The following ONECUT1 variants were observed in gnomAD, a reference collection of about 807,000 sequenced individuals.
ONECUT1 encodes the protein hepatocyte nuclear factor 6.
A neutral mutation model predicts 25.6 loss-of-function variants in ONECUT1; 12 were observed. That is an observed-to-expected ratio of 0.47 (90% confidence interval 0.30 to 0.76). The LOEUF is 0.76. Among genes scored for constraint, ONECUT1 ranks in the 30% least tolerant of loss-of-function variants. The probability of loss-of-function intolerance (pLI) is 0.07; values close to 1 mark genes in which losing one functional copy is unlikely to be tolerated. For missense variants in ONECUT1, 620 were observed against 651.2 expected (o/e 0.95, Z 0.52); for synonymous variants, 285 against 270.2 (o/e 1.05, Z -0.54).
chr15:52,767,784 A>C (rs1489766790), intron 1 of ONECUT1, among the ~76,000 whole-genome samples: 1 of 152,246 alleles, frequency 6.6e-6, no homozygotes, highest in Non-Finnish European at 1.5e-5. Flanking sequence ...ATGTGGCATC[A>C]ATCTAAGTGT....
intron 1 of ONECUT1, among the ~76,000 whole-genome samples, chr15:52,786,742 G>T (rs965589557): frequency 4.0e-5 from 6 of 151,682 alleles, no homozygotes; most frequent in Middle Eastern, 3.4e-3. Context: ...CTCAGAGGTC[G>T]TCTCTGAACA....
At chr15:52,783,809 G>T (rs2083856457) in intron 1 of ONECUT1, among the ~76,000 whole-genome samples, 1 of 152,216 alleles carries the variant, frequency 6.6e-6, no homozygotes, top group East Asian at 1.9e-4. Flanking sequence ...ATCCAAGTAC[G>T]CATCTTTTTT....
In ONECUT1 at chr15:52,756,836, C is replaced by G. The variant is rs1236059808; in HGVS notation, c.*719G>C. Among the ~76,000 whole-genome samples the G allele has an allele frequency of 3.9e-5, 6 of 151,994 alleles. No individual in the cohort carries two copies. The highest frequency in any genetic ancestry group is 8.8e-5 in the Non-Finnish European group (6 of 68,006). On this transcript the variant is annotated 3_prime_UTR_variant, in exon 2 of 2. Coordinates refer to ENST00000305901, the MANE Select transcript of ONECUT1 (RefSeq NM_004498.4). ...TATTAAAATCATTGCAATAAAATACCTGCACTATAATATTAAGTGTGTTCT... is the reference window on the plus strand; with the variant it reads ...TATTAAAATCATTGCAATAAAATACGTGCACTATAATATTAAGTGTGTTCT...
At chr15:52,770,873 A>G (rs1335083417) in intron 1 of ONECUT1, among the ~76,000 whole-genome samples, 2 of 152,180 alleles carry the variant, frequency 1.3e-5, no homozygotes, top group Admixed American at 1.3e-4. Context: ...AGAGAGAGAG[A>G]GAGAGAACAT....
intron 1 of ONECUT1, among the ~76,000 whole-genome samples, chr15:52,775,994 C>T (rs990323148): frequency 4.6e-5 from 7 of 152,218 alleles, no homozygotes; most frequent in Non-Finnish European, 1.0e-4. Context: ...TAACCCCTTC[C>T]ACTGGTTCTT....
chr15:52,773,434 C>A (rs780414052), intron 1 of ONECUT1, among the ~76,000 whole-genome samples: 1 of 152,056 alleles, frequency 6.6e-6, no homozygotes, highest in African/African-American at 2.4e-5. Context: ...CATGTTTATG[C>A]GTACATGGAT....
In ONECUT1 at chr15:52,784,578, G is replaced by C. The variant is rs1351368608; in HGVS notation, c.1105+4202C>G. ...ACGAGCCCACTTCTTATCCCCAAGC[G>C]CACCTCCCTCTCCTCACCCGGGTTT... On this transcript the variant is annotated intron_variant, in intron 1 of 1. Transcript: ENST00000305901. This position sits in a 1 kb window ranked among gnomAD's most constrained non-coding sequence, Gnocchi z 5.0. Among the ~76,000 whole-genome samples, 1 of 152,102 alleles carries C rather than the reference G, an allele frequency of 6.6e-6. No individual in the cohort carries two copies. Among genetic ancestry groups the C allele is most frequent in the Admixed American group, 6.5e-5 (1 of 15,276 alleles).
chr15:52,767,070 C>G (rs1264305201), intron 1 of ONECUT1, among the ~76,000 whole-genome samples: 1 of 152,094 alleles, frequency 6.6e-6, no homozygotes, highest in Non-Finnish European at 1.5e-5. Flanking sequence ...GAGGGAGACA[C>G]TGTTATTCTC....
intron 1 of ONECUT1, among the ~76,000 whole-genome samples, chr15:52,760,796 G>T (rs757079393): frequency 9.9e-5 from 15 of 152,104 alleles, no homozygotes; most frequent in Non-Finnish European, 1.9e-4. Context: ...ATGAGTAAGG[G>T]TGTAGTGTGA....
rs1398307468 is a variant in ONECUT1, at chr15:52,790,222, CCT to C, written c.-340_-339del. 2.0e-5 allele frequency among the ~76,000 whole-genome samples: 3 copies of C among 151,502 alleles called. No homozygotes were observed. The highest frequency in any genetic ancestry group is 7.3e-5 in the African/African-American group (3 of 41,344). ...CCGCCCGCCTCGGCCACCTCTCGCC[CCT>C]CTCTTTCTTAAAATTCTGAGGTCTC... is the stretch of plus-strand genomic sequence containing the variant. On this transcript the variant is annotated 5_prime_UTR_variant, in exon 1 of 2. Coordinates refer to ENST00000305901, the MANE Select transcript of ONECUT1 (RefSeq NM_004498.4).
Position 52,790,068 on chromosome 15 carries a change from T to TGTGC in ONECUT1, c.-185_-184insGCAC, listed in dbSNP as rs2083910689. The TGTGC allele has an allele frequency of 1.8e-5, 3 of 167,644 alleles. No individual in the cohort carries two copies. The allele number at this position is 167,644 out of a possible 1,614,324, so 10.4% of individuals were successfully genotyped here. ...GTGTGTGTCCGTGTGTGCGTGTGCG[T>TGTGC]GTGTGTGTGTGTGTGTGTCTCGCCT... On this transcript the variant is annotated 5_prime_UTR_variant, in exon 1 of 2. Transcript: ENST00000305901.
chr15:52,761,304 A>T (rs2083704684), intron 1 of ONECUT1, among the ~76,000 whole-genome samples: 1 of 152,182 alleles, frequency 6.6e-6, no homozygotes, highest in Admixed American at 6.5e-5. Flanking sequence ...ATGCTCCGAA[A>T]ACCTTTCTGA....
At chr15:52,785,361 G>T (rs960902014) in intron 1 of ONECUT1, among the ~76,000 whole-genome samples, 1 of 152,074 alleles carries the variant, frequency 6.6e-6, no homozygotes, top group Non-Finnish European at 1.5e-5. Context: ...TCCCCCCTTG[G>T]CTCAGGTCCT....
At chr15:52,778,072 C>T (rs2083815919) in intron 1 of ONECUT1, among the ~76,000 whole-genome samples, 1 of 152,062 alleles carries the variant, frequency 6.6e-6, no homozygotes, top group African/African-American at 2.4e-5. Context: ...ATGTTTCTAC[C>T]TCCTCAATGT....
At position 52,789,179 on chromosome 15, in the gene ONECUT1, G is replaced by A; in HGVS notation, c.706C>T (p.Pro236Ser). The change falls in exon 1 of 2, where the codon CCC (proline) becomes TCC (serine). Residue 236 changes from proline (P) to serine (S), a missense_variant. Pro to Ser is a moderately conservative substitution (Grantham distance 74). Around this residue, in one of 4 missense-constraint regions of ONECUT1, gnomAD observed 440 missense variants for 404.9 expected, o/e 1.09. Transcript: ENST00000305901. The surrounding 1 kb of genome is among the most constrained non-coding windows in gnomAD (Gnocchi z 4.1). ...ATGGGCACCATGCCGGCCGAGGTGG[G>A]CGTGAGGTGCTGCTCCCCGTGGCGG... ...LGRHGEQHLT[P>S]TSAGMVPING... 1 of 1,584,142 alleles carries A rather than the reference G, an allele frequency of 6.3e-7. No homozygotes were observed. Among genetic ancestry groups the A allele is most frequent in the Non-Finnish European group, 8.6e-7 (1 of 1,169,068 alleles).
At chr15:52,765,779 G>T (rs149893238) in intron 1 of ONECUT1, among the ~76,000 whole-genome samples, 1 of 152,314 alleles carries the variant, frequency 6.6e-6, no homozygotes, top group African/African-American at 2.4e-5. Flanking sequence ...ATCTTACTGT[G>T]CAGTGTATAT....
intron 1 of ONECUT1, among the ~76,000 whole-genome samples, chr15:52,782,798 A>G (rs1044481525): frequency 1.3e-5 from 2 of 152,206 alleles, no homozygotes; most frequent in African/African-American, 4.8e-5. Flanking sequence ...CAAGGCTCCT[A>G]GATTGATTTA....
Position 52,755,452 on chromosome 15 carries a change from CAA to C in ONECUT1, c.*2101_*2102del, listed in dbSNP as rs1343408788. 1.3e-5 allele frequency among the ~76,000 whole-genome samples: 2 copies of C among 152,036 alleles called. No homozygotes were observed. Among genetic ancestry groups the C allele is most frequent in the African/African-American group, 4.8e-5 (2 of 41,404 alleles). On this transcript the variant is annotated 3_prime_UTR_variant, in exon 2 of 2. Transcript: ENST00000305901. ...TGTGGGTGAAATTAAAAACAAAAAACAAAACATGTCAAGGCAAATGAAGTATT... is the reference window on the plus strand; with the variant it reads ...TGTGGGTGAAATTAAAAACAAAAAACAACATGTCAAGGCAAATGAAGTATT...
intron 1 of ONECUT1, among the ~76,000 whole-genome samples, chr15:52,773,460 T>C (rs2083780858): frequency 6.6e-6 from 1 of 152,232 alleles, no homozygotes; most frequent in Non-Finnish European, 1.5e-5. Context: ...GTATGTATGA[T>C]GTGTATACAC....
Sources: allele counts gnomAD v4.1 joint callset (sites outside exome capture counted in the v4.1 genomes callset), GRCh38; gene constraint gnomAD v4.1.1; regional missense constraint gnomAD v4.1.1; non-coding constraint Gnocchi (gnomAD v3.1); transcripts MANE v1.5; gene names NCBI Gene and HGNC (gene_info 2026-07-23, HGNC 2026-07-21).